EIF2AK3: variants seen among roughly 807,000 people sequenced by gnomAD.
EIF2AK3 encodes the protein eukaryotic translation initiation factor 2 alpha kinase 3.
A neutral mutation model predicts 113.5 loss-of-function variants in EIF2AK3; 50 were observed. That is an observed-to-expected ratio of 0.44 (90% CI 0.35 to 0.56). The LOEUF (loss-of-function observed/expected upper bound fraction) is 0.56, where lower values mean the gene tolerates loss of function less well. Ranked by LOEUF, EIF2AK3 falls within the 20% of genes least tolerant of loss-of-function variation. The pLI is 0.00. For missense variants in EIF2AK3, 1,185 were observed against 1,378.0 expected (o/e 0.86, Z 2.22); for synonymous variants, 448 against 495.4 (o/e 0.90, Z 1.27).
At chr2:88,578,413 T>C (rs1674516535) in intron 11 of EIF2AK3, among the ~76,000 whole-genome samples, 1 of 151,948 alleles carries the variant, frequency 6.6e-6, no homozygotes, top group Non-Finnish European at 1.5e-5. Flanking sequence ...CCGAGTGTGG[T>C]GGTGCATGCC....
intron 7 of EIF2AK3, 105 bp from the exon 8 acceptor site, chr2:88,588,209 C>G (rs372564814): frequency 6.7e-6 from 5 of 747,504 alleles, no homozygotes; most frequent in East Asian, 3.2e-5. Flanking sequence ...GATATTCAAC[C>G]ATAATTCAAT....
At chr2:88,560,836 A>G (rs978058978) in intron 15 of EIF2AK3, among the ~76,000 whole-genome samples, 1 of 151,736 alleles carries the variant, frequency 6.6e-6, no homozygotes, top group Admixed American at 6.6e-5. Context: ...TGAGAACTAC[A>G]TCCTCTTCTA....
At chr2:88,600,957 T>C (rs1216570393) in intron 2 of EIF2AK3, among the ~76,000 whole-genome samples, 1 of 152,242 alleles carries the variant, frequency 6.6e-6, no homozygotes, top group Non-Finnish European at 1.5e-5. Context: ...ATTTCAAGCA[T>C]ATAGAATGTG....
intron 1 of EIF2AK3, among the ~76,000 whole-genome samples, chr2:88,614,136 T>C (rs1305572056): frequency 6.6e-6 from 1 of 152,190 alleles, no homozygotes; most frequent in East Asian, 1.9e-4. Context: ...TGTCCTCTTC[T>C]ACCTACATAC....
intron 4 of EIF2AK3, 126 bp downstream of exon 4, chr2:88,593,146 A>AT: frequency 8.6e-7 from 1 of 1,157,746 alleles, no homozygotes; most frequent in Non-Finnish European, 1.2e-6. Flanking sequence ...CGTATCAAAA[A>AT]AATATATATA....
chr2:88,621,355 C>G (rs560824278), intron 1 of EIF2AK3, among the ~76,000 whole-genome samples: 1 of 152,284 alleles, frequency 6.6e-6, no homozygotes, highest in East Asian at 1.9e-4. Context: ...TTTAAAGGAA[C>G]TTTTATTTCC....
chr2:88,581,179 A>G (rs1406962105), intron 10 of EIF2AK3, among the ~76,000 whole-genome samples: 1 of 151,918 alleles, frequency 6.6e-6, no homozygotes, highest in African/African-American at 2.4e-5. Context: ...GTCGCCACTA[A>G]AAAACATTAG....
At chr2:88,601,585 AC>A (rs1366963130) in intron 2 of EIF2AK3, among the ~76,000 whole-genome samples, 1 of 152,200 alleles carries the variant, frequency 6.6e-6, no homozygotes, top group Non-Finnish European at 1.5e-5. Context: ...CTGGCCCTTT[AC>A]AGGAAAAGTT....
chr2:88,575,382 C>T lies in EIF2AK3; in HGVS notation c.2101G>A (p.Asp701Asn), dbSNP rs2104412125. The T allele has an allele frequency of 6.2e-7, 1 of 1,613,732 alleles. No homozygotes were observed. Among genetic ancestry groups the T allele is most frequent in the East Asian group, 2.2e-5 (1 of 44,872 alleles). ...DAPSVKIRRM[D>N]PFATKEHIEI... ...ATATGTTCTTTTGTAGCGAAAGGAT[C>T]CATTCTGCGTATTTTAACTGATGGT... The change falls in exon 13 of 17, where the codon GAT becomes AAT. Residue 701 changes from aspartate to asparagine, a missense_variant. Physicochemically the swap from Asp to Asn is conservative, Grantham distance 23 (BLOSUM62 1). Transcript: ENST00000303236.
intron 2 of EIF2AK3, among the ~76,000 whole-genome samples, chr2:88,598,669 A>G (rs1177167812): frequency 6.6e-6 from 1 of 152,238 alleles, no homozygotes; most frequent in Non-Finnish European, 1.5e-5. Flanking sequence ...AATAAATGCA[A>G]TATCTGACCC....
At chr2:88,587,515 T>A (rs952135490) in intron 8 of EIF2AK3, among the ~76,000 whole-genome samples, 1 of 152,200 alleles carries the variant, frequency 6.6e-6, no homozygotes, top group Non-Finnish European at 1.5e-5. Context: ...AGTAAGAAGA[T>A]AACCTCATTG....
Position 88,588,053 on chromosome 2 carries a change from C to T in EIF2AK3, c.1358G>A (p.Cys453Tyr). 6.4e-7 allele frequency: 1 copy of T among 1,571,630 alleles called. No individual in the cohort carries two copies. Among genetic ancestry groups the T allele is most frequent in the Non-Finnish European group, 8.7e-7 (1 of 1,147,852 alleles). Reference protein sequence around the residue: ...VLVGSDEFDKCLSNDKFSHEE... With the variant: ...VLVGSDEFDKYLSNDKFSHEE... ...ATGAGAAAACTTATCATTACTGAGA[C>T]ATTTGTCAAATTCATCAGATCCTAC... The change falls in exon 8 of 17, where the codon TGT becomes TAT. Residue 453 changes from cysteine (C) to tyrosine (Y), a missense_variant. By Grantham distance (194) the Cys-to-Tyr change is radical. This residue lies in a region of EIF2AK3 where 877 missense variants were observed against 1,024.2 expected (regional missense o/e 0.86). Coordinates refer to ENST00000303236, the MANE Select transcript of EIF2AK3 (RefSeq NM_004836.7).
intron 2 of EIF2AK3, among the ~76,000 whole-genome samples, chr2:88,605,763 G>C (rs1675255428): frequency 6.6e-6 from 1 of 151,280 alleles, no homozygotes. Context: ...GACTATTTGT[G>C]ACTTAAAAAA....
chr2:88,589,569 C>T (rs1291678326), intron 6 of EIF2AK3, among the ~76,000 whole-genome samples: 3 of 151,246 alleles, frequency 2.0e-5, no homozygotes, highest in Non-Finnish European at 4.4e-5. Context: ...AATATGGATG[C>T]AAATACAAAT....
intron 14 of EIF2AK3, 28 bp downstream of exon 14, chr2:88,570,846 C>G (rs1380611741): frequency 1.2e-6 from 2 of 1,613,078 alleles, no homozygotes; most frequent in South Asian, 2.2e-5. Flanking sequence ...TGCTGCTGTG[C>G]TAGTAAGTAA....
chr2:88,589,102 TATG>T (rs1674816080), intron 6 of EIF2AK3, among the ~76,000 whole-genome samples: 1 of 152,314 alleles, frequency 6.6e-6, no homozygotes, highest in South Asian at 2.1e-4. Context: ...AAAAGGTCCA[TATG>T]ATATTTCTCA....
chr2:88,564,168 T>A (rs889412187), intron 14 of EIF2AK3, among the ~76,000 whole-genome samples: 8 of 152,212 alleles, frequency 5.3e-5, no homozygotes, highest in Non-Finnish European at 1.2e-4. Flanking sequence ...CTGTGTTTCT[T>A]CGTAATTACA....
chr2:88,575,155 C>T lies in EIF2AK3; in HGVS notation c.2328G>A (p.Met776Ile), dbSNP rs754018522. 4 of 1,613,862 alleles carry T rather than the reference C, an allele frequency of 2.5e-6. No homozygotes were observed. In the Admixed American group the frequency reaches 5.0e-5, roughly 20 times the overall value. The change falls in exon 13 of 17, where the codon ATG (methionine) becomes ATA (isoleucine). Residue 776 changes from methionine (M) to isoleucine (I), a missense_variant. Physicochemically the swap from Met to Ile is conservative, Grantham distance 10. Coordinates refer to ENST00000303236, the MANE Select transcript of EIF2AK3 (RefSeq NM_004836.7). ...LTDCDVEDGT[M>I]DGNDEGHSFE... Reference sequence around the variant, plus strand: ...AGGAGTGCCCCTCATCATTGCCATCCATAGTCCCATCTTCCACATCACAGT... The same window carrying T: ...AGGAGTGCCCCTCATCATTGCCATCTATAGTCCCATCTTCCACATCACAGT...
intron 2 of EIF2AK3, among the ~76,000 whole-genome samples, chr2:88,612,642 G>A (rs1186048879): frequency 6.6e-6 from 1 of 152,194 alleles, no homozygotes; most frequent in African/African-American, 2.4e-5. Context: ...GGGTGCACCA[G>A]AAAAGATTTG....
Sources: allele counts gnomAD v4.1 joint callset (sites outside exome capture counted in the v4.1 genomes callset), GRCh38; gene constraint gnomAD v4.1.1; regional missense constraint gnomAD v4.1.1; transcripts MANE v1.5; gene names NCBI Gene and HGNC (gene_info 2026-07-23, HGNC 2026-07-21).